PTPN5: variants seen among roughly 807,000 people sequenced by gnomAD.
PTPN5 encodes the protein tyrosine-protein phosphatase non-receptor type 5.
Under a neutral mutation model 73.9 loss-of-function variants are expected in PTPN5, and 29 were observed. The ratio of observed to expected loss-of-function variants is 0.39; its 90% CI spans 0.29 to 0.54. The LOEUF (loss-of-function observed/expected upper bound fraction) is 0.54. PTPN5 is among the 20% of genes least tolerant of loss of function. PTPN5 has a pLI of 0.65. For missense variants in PTPN5, 652 were observed against 751.4 expected (o/e 0.87, Z 1.55); for synonymous variants, 267 against 304.7 (o/e 0.88, Z 1.29).
intron 1 of PTPN5, among the ~76,000 whole-genome samples, chr11:18,788,392 C>A (rs761627001): frequency 1.3e-5 from 2 of 152,130 alleles, no homozygotes; most frequent in Admixed American, 6.5e-5. Flanking sequence ...CAATGTCCCC[C>A]CAATAACCTC....
intron 1 of PTPN5, among the ~76,000 whole-genome samples, chr11:18,784,214 C>T (rs1851568816): frequency 6.6e-6 from 1 of 152,172 alleles, no homozygotes; most frequent in African/African-American, 2.4e-5. Flanking sequence ...CAGATCCTGG[C>T]ACACCAATGT....
At position 18,742,243 on chromosome 11, in the gene PTPN5, C is replaced by G; in HGVS notation, c.725+19G>C. 1 of 1,613,288 alleles carries G rather than the reference C, an allele frequency of 6.2e-7. No homozygotes were observed. The highest frequency in any genetic ancestry group is 1.1e-5 in the South Asian group (1 of 91,028). ...AGCTCAAGGGCCCGTGGAGCCCACC[C>G]CTCCTCCACCCCTCCCACCTCTCCT... On this transcript the variant is annotated intron_variant, in intron 7 of 14. Transcript: ENST00000358540. The surrounding 1 kb of genome is among the most constrained non-coding windows in gnomAD (Gnocchi z 4.1).
chr11:18,780,527 C>T (rs748677849), intron 1 of PTPN5, among the ~76,000 whole-genome samples: 16 of 152,150 alleles, frequency 1.1e-4, no homozygotes, highest in Non-Finnish European at 2.1e-4. Flanking sequence ...GGCCTTCCTG[C>T]TCCTCCTCTT....
intron 2 of PTPN5, among the ~76,000 whole-genome samples, chr11:18,770,558 G>A (rs1392940335): frequency 6.6e-6 from 1 of 152,146 alleles, no homozygotes; most frequent in African/African-American, 2.4e-5. Flanking sequence ...TGAACATTTG[G>A]CTTGTTTCTA....
At chr11:18,751,659 C>T (rs954388398) in intron 3 of PTPN5, among the ~76,000 whole-genome samples, 6 of 152,200 alleles carry the variant, frequency 3.9e-5, no homozygotes, top group African/African-American at 9.7e-5. Context: ...TCTCCACACT[C>T]TCCAGGCAGG....
intron 1 of PTPN5, among the ~76,000 whole-genome samples, chr11:18,773,265 C>T (rs1850992943): frequency 7.4e-6 from 1 of 134,620 alleles, no homozygotes; most frequent in South Asian, 2.3e-4. Context: ...TCCTTCCAGT[C>T]TTTGTTTTGT....
chr11:18,770,311 C>T (rs941860781), intron 2 of PTPN5, among the ~76,000 whole-genome samples: 4 of 152,194 alleles, frequency 2.6e-5, no homozygotes, highest in African/African-American at 9.6e-5. Flanking sequence ...GTCCTCCTCC[C>T]CACAGCCCCT....
intron 3 of PTPN5, among the ~76,000 whole-genome samples, chr11:18,750,577 T>C (rs561017800): frequency 7.9e-5 from 12 of 152,296 alleles, no homozygotes; most frequent in South Asian, 4.1e-4. Flanking sequence ...TCCTATCTCA[T>C]TGTGGGGATG....
At chr11:18,744,236 C>T (rs1160162771) in intron 3 of PTPN5, 37 bp from the exon 4 acceptor site, 10 of 1,455,952 alleles carry the variant, frequency 6.9e-6, no homozygotes, top group African/African-American at 1.5e-5. Flanking sequence ...ATGACTCCGG[C>T]CCTGTCCACA....
intron 1 of PTPN5, among the ~76,000 whole-genome samples, chr11:18,779,070 G>A (rs1490103227): frequency 6.6e-6 from 1 of 152,134 alleles, no homozygotes; most frequent in Non-Finnish European, 1.5e-5. Flanking sequence ...TACTTACAGA[G>A]GGGAAAGCTG....
Position 18,764,255 on chromosome 11 carries a change from C to T in PTPN5, c.97+1552G>A, listed in dbSNP as rs148611297. ...AGTCAGAGAGTTCTGCGTCTATGGG[C>T]CAAAGGCCTGTTTTTAATTTCAATG... On this transcript the variant is annotated intron_variant, in intron 3 of 14. Coordinates refer to ENST00000358540, the MANE Select transcript of PTPN5 (RefSeq NM_006906.2). 1.5e-3 allele frequency among the ~76,000 whole-genome samples: 223 copies of T among 152,284 alleles called. 2 individuals are homozygous for T. The highest frequency in any genetic ancestry group is 6.8e-3 in the Middle Eastern group (2 of 294).
At position 18,732,614 on chromosome 11, in the gene PTPN5, C is replaced by T. The variant is rs144630372; in HGVS notation, c.1307G>A (p.Arg436Gln). ...CACCTTGAGGGAGATGAGTCGCAGC[C>T]GGTAATCCTCCGTGTGAATGACTTT... ...VQKVIHTEDY[R>Q]LRLISLKSGT... Residue 436 changes from arginine to glutamine, a missense_variant, in exon 12 of 15, where the codon CGG becomes CAG. Arg to Gln is a conservative substitution (Grantham distance 43). This residue lies in a region of PTPN5 where 102 missense variants were observed against 160.5 expected (regional missense o/e 0.64). Coordinates refer to ENST00000358540, the MANE Select transcript of PTPN5 (RefSeq NM_006906.2). The T allele has an allele frequency of 2.2e-5, 35 of 1,613,816 alleles. No individual in the cohort carries two copies. The highest frequency in any genetic ancestry group is 4.0e-5 in the African/African-American group (3 of 75,014).
At chr11:18,743,288 C>A in intron 5 of PTPN5, 34 bp downstream of exon 5, 1 of 1,600,362 alleles carries the variant, frequency 6.2e-7, no homozygotes, top group Non-Finnish European at 8.6e-7. Flanking sequence ...CCAACAGATC[C>A]CTGCTACCCT....
rs1848991151 is a variant in PTPN5, at chr11:18,733,644, G to A, written c.1001-9C>T. 2 of 1,614,132 alleles carry A rather than the reference G, an allele frequency of 1.2e-6. No homozygotes were observed. Among genetic ancestry groups the A allele is most frequent in the South Asian group, 1.1e-5 (1 of 91,086 alleles). ...CACTCTGCTGTGAGGGTCTGGGGTG[G>A]TGGGAGACAAGTAAGGCTGGAAACT... On this transcript the variant is annotated splice_polypyrimidine_tract_variant and intron_variant, in intron 9 of 14. Transcript: ENST00000358540. This position sits in a 1 kb window ranked among gnomAD's most constrained non-coding sequence, Gnocchi z 4.3.
chr11:18,728,961 C>A lies in PTPN5; in HGVS notation c.1671G>T (p.Lys557Asn). ...FVHHVMSLYEKQLSHQSPE is the reference protein window; with the variant it reads ...FVHHVMSLYENQLSHQSPE ...ATTCTGGGGACTGGTGGGACAGCTG[C>A]TTTTCGTAGAGGCTCATGACGTGGT... Residue 557 changes from lysine (K) to asparagine (N), a missense_variant, in exon 15 of 15, where the codon AAG (lysine) becomes AAT (asparagine). By Grantham distance (94) the Lys-to-Asn change is moderately conservative (BLOSUM62 0). This residue lies in a region of PTPN5 where 21 missense variants were observed against 16.9 expected (regional missense o/e 1.24). Coordinates refer to ENST00000358540, the MANE Select transcript of PTPN5 (RefSeq NM_006906.2). This position sits in a 1 kb window ranked among gnomAD's most constrained non-coding sequence, Gnocchi z 4.1. 1.2e-6 allele frequency: 2 copies of A among 1,613,498 alleles called. No homozygotes were observed. The highest frequency in any genetic ancestry group is 1.7e-6 in the Non-Finnish European group (2 of 1,179,772).
chr11:18,728,743 C>A lies in PTPN5; in HGVS notation c.*191G>T, dbSNP rs1293093401. 4 of 555,722 alleles carry A rather than the reference C, an allele frequency of 7.2e-6. No individual in the cohort carries two copies. Among genetic ancestry groups the A allele is most frequent in the East Asian group, 3.4e-5 (1 of 29,494 alleles). The allele number at this position is 555,722 out of a possible 1,614,324, so 34.4% of individuals were successfully genotyped here. ...GGCATGTCCCTTCCCGACCCTGCCC[C>A]CCACTCCCCAATATGTACAGTAGGA... On this transcript the variant is annotated 3_prime_UTR_variant, in exon 15 of 15. Transcript: ENST00000358540. The surrounding 1 kb of genome is among the most constrained non-coding windows in gnomAD (Gnocchi z 4.1).
intron 7 of PTPN5, 109 bp from the exon 8 acceptor site, chr11:18,740,901 G>A: frequency 3.2e-6 from 2 of 627,466 alleles, no homozygotes; most frequent in Non-Finnish European, 2.5e-6. Flanking sequence ...CTGGGAACAG[G>A]GTGGGGTTGA....
intron 1 of PTPN5, among the ~76,000 whole-genome samples, chr11:18,781,142 AC>A (rs1322800805): frequency 3.3e-5 from 5 of 149,410 alleles, no homozygotes; most frequent in Admixed American, 1.3e-4. Context: ...TCTTTGCCGC[AC>A]CCCCCCGGCC....
At chr11:18,766,223 G>A (rs1294400879) in intron 2 of PTPN5, among the ~76,000 whole-genome samples, 1 of 152,176 alleles carries the variant, frequency 6.6e-6, no homozygotes, top group Non-Finnish European at 1.5e-5. Flanking sequence ...ATGACCTCAT[G>A]AATGAGGGAT....
Sources: gnomAD v4.1 joint callset for allele counts (sites outside exome capture counted in the v4.1 genomes callset) on GRCh38, gnomAD v4.1.1 for gene constraint, gnomAD v4.1.1 regional missense constraint, Gnocchi (gnomAD v3.1) non-coding constraint, MANE v1.5 for transcripts, NCBI Gene and HGNC (gene_info 2026-07-23, HGNC 2026-07-21) for gene names.